The following SLCO1B3 variants were observed in gnomAD, a reference collection of about 807,000 sequenced individuals.
SLCO1B3 encodes liver-specific organic anion transporter 2.
In SLCO1B3, 72 loss-of-function variants were observed where a neutral mutation model predicts 71.8. The observed-to-expected ratio is 1.00, with a 90% confidence interval of 0.83 to 1.22. The LOEUF is 1.22. Among genes scored for constraint, SLCO1B3 ranks in the 50% most tolerant of loss-of-function variants. The pLI is 0.00. For synonymous variants in SLCO1B3, 298 were observed against 278.4 expected (o/e 1.07, Z -0.70); for missense variants, 911 against 819.7 (o/e 1.11, Z -1.36).
At position 20,898,444 on chromosome 12, in the gene SLCO1B3, A is replaced by G. The variant is rs1373163611; in HGVS notation, c.1691A>G (p.Gln564Arg). Residue 564 changes from glutamine (Q) to arginine (R), a missense_variant, in exon 14 of 16, where the codon CAA becomes CGA. Coordinates refer to ENST00000381545, the MANE Select transcript of SLCO1B3 (RefSeq NM_019844.4). ...TFILLTVKIVQPELKALAMGF... is the reference protein window; with the variant it reads ...TFILLTVKIVRPELKALAMGF... ...CCTTTATCATATTTCAGGATTGTTC[A>G]ACCTGAATTGAAAGCACTTGCAATG... 4 of 1,596,676 alleles carry G rather than the reference A, an allele frequency of 2.5e-6. No homozygotes were observed. The Admixed American group carries it at 6.7e-5, about 27-fold the overall frequency.
chr12:20,821,539 G>A (rs1186230071), intron 3 of SLCO1B3, among the ~76,000 whole-genome samples: 1 of 148,994 alleles, frequency 6.7e-6, no homozygotes, highest in Non-Finnish European at 1.5e-5. Flanking sequence ...CTCCAGAAAA[G>A]CAGAGAAAGG....
rs150039066 is a variant in SLCO1B3 at position 20,861,061 on chromosome 12, C to T, written c.404C>T (p.Ser135Leu). The stretch of plus-strand genomic sequence containing the variant: ...ACCCATATTAATCCATCAGAAAATT[C>T]AACATCAAGTTTATCAACCTGTTTA... ...KETHINPSEN[S>L]TSSLSTCLIN... Residue 135 changes from serine to leucine, a missense_variant, in exon 6 of 16, where the codon TCA becomes TTA. Ser to Leu is a moderately radical substitution (Grantham distance 145). Coordinates refer to ENST00000381545, the MANE Select transcript of SLCO1B3 (RefSeq NM_019844.4). 2.6e-5 allele frequency: 41 copies of T among 1,600,880 alleles called. No homozygotes were observed. In the East Asian group the frequency reaches 9.0e-4, roughly 35 times the overall value.
chr12:20,819,313 G>A (rs562415511), intron 3 of SLCO1B3, among the ~76,000 whole-genome samples: 52 of 152,294 alleles, frequency 3.4e-4, no homozygotes, highest in African/African-American at 1.0e-3. Flanking sequence ...GAATTATGCC[G>A]AGATAGGTAA....
intron 15 of SLCO1B3, among the ~76,000 whole-genome samples, chr12:20,903,719 C>A (rs184108893): frequency 6.6e-6 from 1 of 152,240 alleles, no homozygotes; most frequent in Admixed American, 6.5e-5. Context: ...GGTTCCTTCT[C>A]CAATTCAACA....
At chr12:20,820,302 T>C (rs1172865611) in intron 3 of SLCO1B3, among the ~76,000 whole-genome samples, 1 of 152,134 alleles carries the variant, frequency 6.6e-6, no homozygotes, top group Non-Finnish European at 1.5e-5. Context: ...AAGGAGTCAG[T>C]CAGAGAGCCT....
intron 15 of SLCO1B3, 38 bp from the exon 16 acceptor site, chr12:20,915,966 T>C: frequency 6.7e-7 from 1 of 1,503,052 alleles, no homozygotes. Flanking sequence ...TTTACACATT[T>C]AAAATAATAA....
chr12:20,827,371 CT>C (rs1430902714), intron 3 of SLCO1B3, among the ~76,000 whole-genome samples: 2 of 152,086 alleles, frequency 1.3e-5, no homozygotes, highest in Non-Finnish European at 2.9e-5. Flanking sequence ...GCTTTTCTGT[CT>C]TCTGTTTTTC....
chr12:20,862,490 C>G lies in SLCO1B3; in HGVS notation c.560C>G (p.Pro187Arg), dbSNP rs368572652. 284 of 1,612,582 alleles carry G rather than the reference C, an allele frequency of 1.8e-4. No homozygotes were observed. The highest frequency in any genetic ancestry group is 2.3e-4 in the Non-Finnish European group (277 of 1,179,186). The change falls in exon 7 of 16, where the codon CCC becomes CGC. Residue 187 changes from proline to arginine, a missense_variant. Coordinates refer to ENST00000381545, the MANE Select transcript of SLCO1B3 (RefSeq NM_019844.4). ...ATGCTTCGTGGCATAGGGGAAACCCCCATAGTACCATTGGGGATTTCATAC... is the reference window on the plus strand; with the variant it reads ...ATGCTTCGTGGCATAGGGGAAACCCGCATAGTACCATTGGGGATTTCATAC... Reference protein sequence around the residue: ...GNMLRGIGETPIVPLGISYID... With the variant: ...GNMLRGIGETRIVPLGISYID...
At chr12:20,824,196 A>G (rs1036518083) in intron 3 of SLCO1B3, among the ~76,000 whole-genome samples, 6 of 152,216 alleles carry the variant, frequency 3.9e-5, no homozygotes. Context: ...GCTTAAAAGG[A>G]AAGTTTTCTT....
At position 20,858,301 on chromosome 12, in the gene SLCO1B3, T is replaced by C. The variant is rs4149114; in HGVS notation, c.227-138T>C. The C allele has an allele frequency of 0.8, 489,337 of 610,724 alleles. 201,086 individuals are homozygous for C. Among genetic ancestry groups the C allele is most frequent in the South Asian group, 0.91 (39,735 of 43,814 alleles). The allele number at this position is 610,724 out of a possible 1,614,324, so 37.8% of individuals were successfully genotyped here. ...ATGAGTGGTTTAATGTAGGAGAGTT[T>C]ACCTTCACAGTTAAATTACATGGTC... On this transcript the variant is annotated intron_variant, in intron 4 of 15. Transcript: ENST00000381545.
At chr12:20,811,905 ATT>A (rs11292391) in intron 1 of SLCO1B3, among the ~76,000 whole-genome samples, 1,759 of 114,816 alleles carry the variant, frequency 0.015, 15 homozygotes, top group Non-Finnish European at 0.02. Context: ...TACTTGATAC[ATT>A]TTTTTTTTTT....
At chr12:20,865,693 A>T (rs931373457) in intron 8 of SLCO1B3, among the ~76,000 whole-genome samples, 1 of 152,134 alleles carries the variant, frequency 6.6e-6, no homozygotes, top group Non-Finnish European at 1.5e-5. Context: ...AGAAAAAGTT[A>T]AGAGAAAATT....
chr12:20,816,920 G>A (rs1864204548), intron 3 of SLCO1B3, among the ~76,000 whole-genome samples: 1 of 152,182 alleles, frequency 6.6e-6, no homozygotes, highest in Admixed American at 6.5e-5. Context: ...GCATCTCATT[G>A]TAGTATTGAT....
At chr12:20,878,547 A>T (rs1359335086) in intron 10 of SLCO1B3, among the ~76,000 whole-genome samples, 1 of 152,150 alleles carries the variant, frequency 6.6e-6, no homozygotes, top group African/African-American at 2.4e-5. Context: ...TAGAAATTTG[A>T]TAAGTATTTG....
intron 3 of SLCO1B3, among the ~76,000 whole-genome samples, chr12:20,833,568 A>C (rs535244102): frequency 7.4e-5 from 11 of 148,648 alleles, no homozygotes; most frequent in African/African-American, 2.7e-4. Flanking sequence ...TTTACTATAT[A>C]TACATGAATA....
intron 3 of SLCO1B3, among the ~76,000 whole-genome samples, chr12:20,835,260 G>T (rs1864654246): frequency 1.3e-5 from 2 of 152,152 alleles, no homozygotes; most frequent in African/African-American, 2.4e-5. Context: ...GATGGGCGTG[G>T]CTGCTCCCAA....
At chr12:20,858,637 T>G (rs1591764797) in intron 5 of SLCO1B3, 66 bp downstream of exon 5, 2 of 1,464,036 alleles carry the variant, frequency 1.4e-6, no homozygotes, top group African/African-American at 1.4e-5. Flanking sequence ...AGAATTTTAT[T>G]TTTATACTTG....
intron 3 of SLCO1B3, among the ~76,000 whole-genome samples, chr12:20,839,631 C>T (rs7133099): frequency 0.72 from 110,050 of 151,882 alleles, 42,441 homozygotes; most frequent in South Asian, 0.9. Flanking sequence ...AATGATATTC[C>T]TAGGTGGACT....
intron 3 of SLCO1B3, among the ~76,000 whole-genome samples, chr12:20,817,397 AG>A (rs1206577978): frequency 6.6e-6 from 1 of 152,134 alleles, no homozygotes; most frequent in Non-Finnish European, 1.5e-5. Flanking sequence ...GGCTAGAAAT[AG>A]GGGTCTAGTT....
Sources: allele counts gnomAD v4.1 joint callset (sites outside exome capture counted in the v4.1 genomes callset), GRCh38; gene constraint gnomAD v4.1.1; transcripts MANE v1.5; gene names NCBI Gene and HGNC (gene_info 2026-07-23, HGNC 2026-07-21).